P3H4: variants seen among roughly 807,000 people sequenced by gnomAD.
The protein encoded by P3H4 is prolyl 3-hydroxylase family member 4 (inactive), also known as endoplasmic reticulum protein SC65.
Under a neutral mutation model 52.9 loss-of-function variants are expected in P3H4, and 47 were observed. That is an observed-to-expected ratio of 0.89 (90% CI 0.70 to 1.13). P3H4 has a LOEUF of 1.13. Ranked by LOEUF, P3H4 falls within the 50% of genes most tolerant of loss-of-function variation. The probability of loss-of-function intolerance (pLI) is 0.00; values close to 1 mark genes in which losing one functional copy is unlikely to be tolerated. For missense variants in P3H4, 585 were observed against 611.0 expected (o/e 0.96, Z 0.45); for synonymous variants, 256 against 267.9 (o/e 0.96, Z 0.44).
chr17:41,808,793 A>C (rs2047700364), intron 4 of P3H4, among the ~76,000 whole-genome samples: 1 of 152,286 alleles, frequency 6.6e-6, no homozygotes, highest in South Asian at 2.1e-4. Flanking sequence ...TGATGGCTCT[A>C]GTGAATTAGA....
Position 41,806,732 on chromosome 17 carries a change from G to T in P3H4, c.1146+64C>A, listed in dbSNP as rs190679361. ...GGGGCTGAATTCTGGCACACTGGTG[G>T]CCCCAGGAAAAGGTCCAAGGTGTCC... On this transcript the variant is annotated intron_variant, in intron 6 of 7. Coordinates refer to ENST00000393928, the MANE Select transcript of P3H4 (RefSeq NM_006455.3). 2.1e-5 allele frequency: 29 copies of T among 1,366,830 alleles called. No individual in the cohort carries two copies. The African/African-American group carries it at 3.2e-4, about 15-fold the overall frequency. 84.7% of individuals were successfully genotyped at this position (1,366,830 alleles called of 1,614,324 possible). A position where few individuals can be genotyped will look rare whatever the true frequency, so the allele number is the denominator to read the frequency against.
Position 41,803,186 on chromosome 17 carries a change from C to T in P3H4, c.1291+101G>A. 3 of 1,512,312 alleles carry T rather than the reference C, an allele frequency of 2.0e-6. No individual in the cohort carries two copies. The South Asian group carries it at 3.8e-5, about 19-fold the overall frequency. 93.7% of individuals were successfully genotyped at this position (1,512,312 alleles called of 1,614,324 possible). ...GCCCCTGGAGGATGGGCCCCAGCAC[C>T]CACACACACCCTGGGCTCCGGAGCC... On this transcript the variant is annotated intron_variant, in intron 7 of 7. Transcript: ENST00000393928.
intron 7 of P3H4, 48 bp from the exon 8 acceptor site, chr17:41,803,027 C>T (rs781867806): frequency 2.5e-6 from 4 of 1,595,290 alleles, no homozygotes; most frequent in Non-Finnish European, 3.4e-6. Context: ...CACCCACTCC[C>T]AATGGGTGTC....
intron 5 of P3H4, 161 bp from the exon 6 acceptor site, chr17:41,807,040 G>T: frequency 1.6e-6 from 1 of 609,858 alleles, no homozygotes; most frequent in Non-Finnish European, 2.9e-6. Context: ...TGGCTGCTTG[G>T]AACACTGGGT....
chr17:41,808,053 G>A (rs1597896693), intron 4 of P3H4, 49 bp from the exon 5 acceptor site: 2 of 1,583,842 alleles, frequency 1.3e-6, no homozygotes, highest in East Asian at 2.3e-5. Context: ...CCCCTTCAGA[G>A]TCAACTCCAT....
intron 6 of P3H4, among the ~76,000 whole-genome samples, chr17:41,804,707 C>T (rs1392157850): frequency 2.6e-5 from 4 of 152,026 alleles, no homozygotes; most frequent in South Asian, 2.1e-4. Flanking sequence ...CGGTGGCTCA[C>T]GCCTGTAAAC....
chr17:41,807,146 A>G, intron 5 of P3H4: 1 of 492,734 alleles, frequency 2.0e-6, no homozygotes, highest in Non-Finnish European at 3.7e-6. Flanking sequence ...TGTGCCCCAT[A>G]TTTGCCAGCC....
In P3H4 at chr17:41,807,900, C is replaced by G; in HGVS notation, c.1021G>C (p.Ala341Pro). ...TCCTCCTCTTCCAGGCCCCAGCGAGCCCGGTGGAACCGGTAATACACCAGG... is the reference window on the plus strand; with the variant it reads ...TCCTCCTCTTCCAGGCCCCAGCGAGGCCGGTGGAACCGGTAATACACCAGG... ...QNLVYYRFHR[A>P]RWGLEEEDFQ... is the part of the protein sequence containing the mutation. Residue 341 changes from alanine to proline, a missense_variant, in exon 5 of 8, where the codon GCT becomes CCT. Ala to Pro is a conservative substitution (Grantham distance 27). Transcript: ENST00000393928. 6.2e-7 allele frequency: 1 copy of G among 1,614,104 alleles called. No homozygotes were observed. The highest frequency in any genetic ancestry group is 8.5e-7 in the Non-Finnish European group (1 of 1,179,966).
Position 41,806,850 on chromosome 17 carries a change from G to A in P3H4, c.1092C>T (p.Ala364=), listed in dbSNP as rs781905184. 51 of 1,613,782 alleles carry A rather than the reference G, an allele frequency of 3.2e-5. No homozygotes were observed. Among genetic ancestry groups the A allele is most frequent in the Middle Eastern group, 1.7e-4 (1 of 6,046 alleles). ...TGAACTCCAGCAGCTCCCGCAGCTC[G>A]GCGGTCTGGTTGTGGTAGAGCATGG... The part of the protein sequence containing the change: ...EEAMLYHNQT[A]ELRELLEFTH... Residue 364 remains alanine, a synonymous_variant, in exon 6 of 8, where the codon GCC becomes GCT. Transcript: ENST00000393928.
Position 41,810,972 on chromosome 17 carries a change from G to C in P3H4, c.678C>G (p.Asp226Glu). The change falls in exon 3 of 8, where the codon GAC (aspartate) becomes GAG (glutamate). Residue 226 changes from aspartate to glutamate, a missense_variant. By Grantham distance (45) the Asp-to-Glu change is conservative. Coordinates refer to ENST00000393928, the MANE Select transcript of P3H4 (RefSeq NM_006455.3). ...NSGDFRSSTE[D>E]MERALSEYLA... ...GGTACTCTGACAAGGCCCGCTCCAT[G>C]TCCTCCGTGCTGCTGCGGAAATCCC... The C allele has an allele frequency of 6.2e-7, 1 of 1,614,206 alleles. No homozygotes were observed. The highest frequency in any genetic ancestry group is 8.5e-7 in the Non-Finnish European group (1 of 1,180,032).
chr17:41,810,753 C>G (rs971787900), intron 3 of P3H4, 110 bp downstream of exon 3: 34 of 1,359,796 alleles, frequency 2.5e-5, no homozygotes, highest in Admixed American at 9.9e-5. Context: ...AGGCCTTCCT[C>G]CCGGCTGGCT....
At position 41,806,963 on chromosome 17, in the gene P3H4, C is replaced by T. The variant is rs551904782; in HGVS notation, c.1063-84G>A. On this transcript the variant is annotated intron_variant, in intron 5 of 7. Transcript: ENST00000393928. ...AAGCCAGGGCTCCTAGGATCTGGGC[C>T]CACTGGCCCTCTTCTAGCTCAAGGA... is the stretch of plus-strand genomic sequence containing the variant. 122 of 985,016 alleles carry T rather than the reference C, an allele frequency of 1.2e-4. No individual in the cohort carries two copies. In the South Asian group the frequency reaches 1.6e-3, roughly 13 times the overall value. 61.0% of individuals were successfully genotyped at this position (985,016 alleles called of 1,614,324 possible). A position where few individuals can be genotyped will look rare whatever the true frequency, so the allele number is the denominator to read the frequency against.
In P3H4 at chr17:41,811,440, G is replaced by C. The variant is rs374042784; in HGVS notation, c.462+14C>G. 6 of 1,611,778 alleles carry C rather than the reference G, an allele frequency of 3.7e-6. No homozygotes were observed. The Admixed American group carries it at 1.0e-4, about 27-fold the overall frequency. ...CAGCCCGAGACAGGTCCCCGGGTGG[G>C]GGCGGGCTCCCACCTTGAACAGCGC... On this transcript the variant is annotated intron_variant, in intron 1 of 7. Transcript: ENST00000393928. This position sits in a 1 kb window ranked among gnomAD's most constrained non-coding sequence, Gnocchi z 4.8.
chr17:41,811,866 C>T lies in P3H4; in HGVS notation c.50G>A (p.Gly17Glu). The change falls in exon 1 of 8, where the codon GGG (glycine) becomes GAG (glutamate). Residue 17 changes from glycine to glutamate, a missense_variant. Transcript: ENST00000393928. This position sits in a 1 kb window ranked among gnomAD's most constrained non-coding sequence, Gnocchi z 4.8. ...GAAGCTGTACTTCTCGTACTGCGCC[C>T]CGGCGCTGCCCAGCAGCAACCACAG... ...GLLWLLLGSA[G>E]AQYEKYSFRG... The T allele has an allele frequency of 6.5e-7, 1 of 1,539,488 alleles. No homozygotes were observed. The highest frequency in any genetic ancestry group is 1.2e-5 in the South Asian group (1 of 84,162).
intron 6 of P3H4, among the ~76,000 whole-genome samples, chr17:41,806,110 T>C (rs2144018072): frequency 6.6e-6 from 1 of 151,554 alleles, no homozygotes; most frequent in African/African-American, 2.4e-5. Context: ...TCCCAGCTAC[T>C]CCGGAGGCTG....
intron 6 of P3H4, among the ~76,000 whole-genome samples, chr17:41,805,200 T>C (rs766783146): frequency 1.3e-5 from 2 of 148,844 alleles, no homozygotes; most frequent in Admixed American, 6.7e-5. Context: ...GGTAGGAGAA[T>C]GGCGTGAGAA....
chr17:41,805,056 TG>T (rs2047659084), intron 6 of P3H4, among the ~76,000 whole-genome samples: 2 of 151,430 alleles, frequency 1.3e-5, no homozygotes, highest in African/African-American at 4.9e-5. Flanking sequence ...GAGGCCGAGG[TG>T]GGTGGATCAC....
intron 6 of P3H4, 41 bp downstream of exon 6, chr17:41,806,755 T>A (rs1718499782): frequency 7.7e-6 from 12 of 1,550,058 alleles, no homozygotes; most frequent in Non-Finnish European, 1.1e-5. Context: ...GTCCAAGGTG[T>A]CCCCATCACA....
chr17:41,804,665 A>G (rs1555613947), intron 6 of P3H4, among the ~76,000 whole-genome samples: 2 of 149,120 alleles, frequency 1.3e-5, no homozygotes. Context: ...GCTCTTTATC[A>G]AGTGCTTTAC....
Sources: gnomAD v4.1 joint callset for allele counts (sites outside exome capture counted in the v4.1 genomes callset) on GRCh38, gnomAD v4.1.1 for gene constraint, Gnocchi (gnomAD v3.1) non-coding constraint, MANE v1.5 for transcripts, NCBI Gene and HGNC (gene_info 2026-07-23, HGNC 2026-07-21) for gene names.